The following GREB1 variants were observed in gnomAD, a reference collection of about 807,000 sequenced individuals.
GREB1 encodes protein GREB1.
GREB1 carries 106 observed loss-of-function variants against 200.7 expected under a neutral mutation model. That is an observed-to-expected ratio of 0.53 (90% CI 0.45 to 0.62). The LOEUF (loss-of-function observed/expected upper bound fraction) is 0.62, where lower values mean the gene tolerates loss of function less well. GREB1 is among the 20% of genes least tolerant of loss of function. The pLI, the probability that GREB1 is intolerant of heterozygous loss-of-function variation, is 0.00. For missense variants in GREB1, 2,243 were observed against 2,556.8 expected (o/e 0.88, Z 2.65); for synonymous variants, 1,132 against 1,092.4 (o/e 1.04, Z -0.72).
chr2:11,593,021 G>A lies in GREB1; in HGVS notation c.1591G>A (p.Glu531Lys), dbSNP rs1483594618. ...TTACTCCCTGGCCGAGGGCCTCTCC[G>A]AGATGTTCCGGCTGTTGGTCGAGGG... ...CAYSLAEGLS[E>K]MFRLLVEGKL... Residue 531 changes from glutamate to lysine, a missense_variant, in exon 11 of 33, where the codon GAG (glutamate) becomes AAG (lysine). Glu to Lys is a moderately conservative substitution (Grantham distance 56). This residue lies in a region of GREB1 where 1,178 missense variants were observed against 1,387.4 expected (regional missense o/e 0.85). Transcript: ENST00000381486. The A allele has an allele frequency of 3.1e-6, 5 of 1,613,180 alleles. No individual in the cohort carries two copies. Among genetic ancestry groups the A allele is most frequent in the South Asian group, 1.1e-5 (1 of 90,846 alleles).
rs201727741 is a variant in GREB1, at chr2:11,634,088, C to T, written c.4992-43C>T. On this transcript the variant is annotated intron_variant, in intron 28 of 32. Transcript: ENST00000381486. ...CCTGGTCCCAAGGACCTTGCTGCTG[C>T]TCGTGTGTCAGCCTAGGGACTCACT... 13 of 1,571,944 alleles carry T rather than the reference C, an allele frequency of 8.3e-6. No homozygotes were observed. The East Asian group carries it at 2.0e-4, about 24-fold the overall frequency.
intron 1 of GREB1, among the ~76,000 whole-genome samples, chr2:11,509,553 AG>A (rs991641588): frequency 6.6e-6 from 1 of 152,128 alleles, no homozygotes; most frequent in African/African-American, 2.4e-5. Context: ...CCAATTATCC[AG>A]TTAATGTTTG....
chr2:11,620,689 C>T (rs1423428514), intron 22 of GREB1, among the ~76,000 whole-genome samples: 1 of 152,136 alleles, frequency 6.6e-6, no homozygotes, highest in Non-Finnish European at 1.5e-5. Flanking sequence ...GCGTGTGCGA[C>T]GATATTTAAG....
intron 1 of GREB1, among the ~76,000 whole-genome samples, chr2:11,490,696 G>A (rs1672757416): frequency 1.3e-5 from 2 of 152,122 alleles, no homozygotes; most frequent in Admixed American, 6.5e-5. Flanking sequence ...TTACAGGCGT[G>A]CAGCACCACG....
In GREB1 at chr2:11,501,895, GTTTTTTTTTGTTTTTTTTT is replaced by G. The variant is rs1201984362; in HGVS notation, c.-159+19524_-159+19542del. On this transcript the variant is annotated intron_variant, in intron 1 of 2. Coordinates refer to the GREB1 transcript ENST00000628795. ...TTACTTATTAGAGCCTGGATTTCCTGTTTTTTTTTGTTTTTTTTTTTTTTTTTTTTTTTTTTTTGAGATG... is the reference window on the plus strand; with the variant it reads ...TTACTTATTAGAGCCTGGATTTCCTGTTTTTTTTTTTTTTTTTTTGAGATG... Among the ~76,000 whole-genome samples the G allele has an allele frequency of 5.5e-4, 25 of 45,564 alleles. 1 individual carries two copies. The highest frequency in any genetic ancestry group is 4.0e-3 in the Admixed American group (10 of 2,528). 29.9% of individuals were successfully genotyped at this position (45,564 alleles called of 152,430 possible).
chr2:11,538,657 CTTTCTTTCTTTCTTTCTTTCTTTCTTTCT>C (rs1674428725), intron 1 of GREB1, among the ~76,000 whole-genome samples: 2 of 24,774 alleles, frequency 8.1e-5, no homozygotes, highest in African/African-American at 1.4e-4. Flanking sequence ...TTCTTTCTTT[CTTTCTTTCTTTCTTTCTTTCTTTCTTTCT>C]TTCCTTCCTC....
chr2:11,588,813 G>A lies in GREB1; in HGVS notation c.1227G>A (p.Thr409=), dbSNP rs751134657. The A allele has an allele frequency of 6.2e-6, 10 of 1,613,938 alleles. No individual in the cohort carries two copies. Among genetic ancestry groups the A allele is most frequent in the African/African-American group, 4.0e-5 (3 of 74,902 alleles). ...TCGTGGTCAGCCCCCTCTTGTACACGTGCTACCAGAATTCCCAGTCTGTCT... is the reference window on the plus strand; with the variant it reads ...TCGTGGTCAGCCCCCTCTTGTACACATGCTACCAGAATTCCCAGTCTGTCT... The part of the protein sequence containing the change: ...NDVVVSPLLY[T]CYQNSQSVSR... The change falls in exon 10 of 33, where the codon ACG becomes ACA. Residue 409 remains threonine, a synonymous_variant. Transcript: ENST00000381486.
intron 3 of GREB1, 155 bp downstream of exon 3, chr2:11,562,737 G>C: frequency 1.2e-6 from 1 of 838,628 alleles, no homozygotes; most frequent in Non-Finnish European, 1.8e-6. Context: ...CCCTGGGCCC[G>C]CAGCAGGTGC....
At chr2:11,517,134 G>A (rs965520367) in intron 1 of GREB1, among the ~76,000 whole-genome samples, 4 of 152,138 alleles carry the variant, frequency 2.6e-5, no homozygotes, top group Non-Finnish European at 5.9e-5. Context: ...GTGTAGGCTG[G>A]GGTCATGTCC....
At chr2:11,495,860 G>A (rs1218553446) in intron 1 of GREB1, among the ~76,000 whole-genome samples, 3 of 150,916 alleles carry the variant, frequency 2.0e-5, no homozygotes, top group African/African-American at 7.3e-5. Flanking sequence ...AGTGGGGGAA[G>A]GAAGGGCCCA....
At chr2:11,579,478 G>A (rs1325235517) in intron 6 of GREB1, among the ~76,000 whole-genome samples, 13 of 152,196 alleles carry the variant, frequency 8.5e-5, no homozygotes, top group Admixed American at 4.6e-4. Context: ...TACTCCAAGC[G>A]TGTTACACAC....
intron 25 of GREB1, among the ~76,000 whole-genome samples, chr2:11,628,677 G>A (rs1684646723): frequency 6.6e-6 from 1 of 152,046 alleles, no homozygotes; most frequent in African/African-American, 2.4e-5. Flanking sequence ...CCTTGATTTT[G>A]AAATGTAGGG....
intron 1 of GREB1, among the ~76,000 whole-genome samples, chr2:11,535,844 G>A (rs762852928): frequency 6.6e-6 from 1 of 152,126 alleles, no homozygotes; most frequent in African/African-American, 2.4e-5. Context: ...TGAAATCTCT[G>A]GGCTGTCTAC....
rs946746443 is a variant in GREB1, at chr2:11,585,650, A to G, written c.1016-112A>G. On this transcript the variant is annotated intron_variant, in intron 8 of 32. Coordinates refer to ENST00000381486, the MANE Select transcript of GREB1 (RefSeq NM_014668.4). ...GACTCTAAGAGTTTGGTGCTCCTGT[A>G]ATCAGGGACGTTGGTCAGAGGGTAG... 7 of 1,161,398 alleles carry G rather than the reference A, an allele frequency of 6.0e-6. No individual in the cohort carries two copies. In the African/African-American group the frequency reaches 1.1e-4, roughly 18 times the overall value. The allele number at this position is 1,161,398 out of a possible 1,614,324, so 71.9% of individuals were successfully genotyped here.
chr2:11,637,674 C>T (rs756744767), intron 30 of GREB1, 42 bp from the exon 31 acceptor site: 1 of 1,592,348 alleles, frequency 6.3e-7, no homozygotes. Flanking sequence ...AGGTCCTCGC[C>T]CCTCAGGGCA....
At chr2:11,586,648 G>A (rs945042267) in intron 9 of GREB1, among the ~76,000 whole-genome samples, 1 of 152,156 alleles carries the variant, frequency 6.6e-6, no homozygotes, top group Non-Finnish European at 1.5e-5. Flanking sequence ...TCTTAAATAC[G>A]TTATTATTGC....
intron 32 of GREB1, among the ~76,000 whole-genome samples, chr2:11,639,421 T>A (rs1685644881): frequency 6.6e-6 from 1 of 152,168 alleles, no homozygotes; most frequent in Non-Finnish European, 1.5e-5. Context: ...ATCCTTCACA[T>A]CGGTGTCCCA....
intron 4 of GREB1, among the ~76,000 whole-genome samples, chr2:11,575,028 T>G (rs922608792): frequency 6.6e-6 from 1 of 152,230 alleles, no homozygotes; most frequent in Non-Finnish European, 1.5e-5. Flanking sequence ...GCCTCTGTAA[T>G]GTAGATGTCT....
intron 1 of GREB1, among the ~76,000 whole-genome samples, chr2:11,544,843 C>T (rs1675110261): frequency 6.6e-6 from 1 of 151,914 alleles, no homozygotes; most frequent in East Asian, 1.9e-4. Context: ...GAGACAAAGT[C>T]TCACTCTGTC....
Sources: gnomAD v4.1 joint callset for allele counts (sites outside exome capture counted in the v4.1 genomes callset) on GRCh38, gnomAD v4.1.1 for gene constraint, gnomAD v4.1.1 regional missense constraint, MANE v1.5 for transcripts, NCBI Gene and HGNC (gene_info 2026-07-23, HGNC 2026-07-21) for gene names.